IL1RAPL2: variants seen among roughly 807,000 people sequenced by gnomAD.
IL1RAPL2 encodes the protein X-linked interleukin-1 receptor accessory protein-like 2.
IL1RAPL2 carries 3 observed loss-of-function variants against 44.1 expected under a neutral mutation model. The observed-to-expected ratio is 0.07, with a 90% CI of 0.03 to 0.18. The LOEUF (loss-of-function observed/expected upper bound fraction) is 0.18, where lower values mean the gene tolerates loss of function less well. IL1RAPL2 is among the 10% of genes least tolerant of loss of function. The pLI is 1.00. For synonymous variants in IL1RAPL2, 181 were observed against 178.8 expected (o/e 1.01, Z -0.10); for missense variants, 391 against 496.4 (o/e 0.79, Z 2.02).
At chrX:104,754,557 G>A (rs747593269) in intron 2 of IL1RAPL2, among the ~76,000 whole-genome samples, 5 of 111,267 alleles carry the variant, frequency 4.5e-5, no homozygotes, top group Non-Finnish European at 5.7e-5. Flanking sequence ...GGCTAGGAAC[G>A]CTCATTAATG....
intron 5 of IL1RAPL2, among the ~76,000 whole-genome samples, chrX:105,302,520 G>A (rs1049009494): frequency 8.9e-6 from 1 of 112,098 alleles, no homozygotes; most frequent in African/African-American, 3.2e-5. Context: ...ATGGTGCACA[G>A]TGTGTTTAGC....
intron 2 of IL1RAPL2, among the ~76,000 whole-genome samples, chrX:105,139,062 G>T (rs190773577): frequency 2.2e-4 from 25 of 111,747 alleles, no homozygotes; most frequent in Middle Eastern, 4.6e-3. Flanking sequence ...TAAAAAGAAC[G>T]TTTACCATAC....
chrX:105,689,642 T>C (rs1297881134), intron 6 of IL1RAPL2, among the ~76,000 whole-genome samples: 2 of 112,096 alleles, frequency 1.8e-5, no homozygotes, highest in Middle Eastern at 8.3e-3. Context: ...AGTTCAACCA[T>C]TGTGGAAGAT....
At chrX:105,069,618 CA>C (rs1463340052) in intron 2 of IL1RAPL2, among the ~76,000 whole-genome samples, 2 of 112,007 alleles carry the variant, frequency 1.8e-5, no homozygotes, top group Non-Finnish European at 3.8e-5. Flanking sequence ...ACAACAAAAA[CA>C]TTTTAGCTTT....
chrX:105,076,474 A>G (rs1015837948), intron 2 of IL1RAPL2, among the ~76,000 whole-genome samples: 24 of 111,468 alleles, frequency 2.2e-4, no homozygotes, highest in African/African-American at 7.5e-4. Context: ...TATGTGTTCA[A>G]TTTTGGAATA....
chrX:105,272,849 C>A (rs1445062768), intron 5 of IL1RAPL2, among the ~76,000 whole-genome samples: 5 of 112,196 alleles, frequency 4.5e-5, no homozygotes, highest in Non-Finnish European at 9.4e-5. Flanking sequence ...GAAAAACTTT[C>A]CTCTGGTGTG....
In IL1RAPL2 at chrX:105,713,792, TCCTTTAACA is replaced by T. The variant is rs756740089; in HGVS notation, c.773-3574_773-3566del. Among the ~76,000 whole-genome samples the T allele has an allele frequency of 4.3e-3, 477 of 111,707 alleles. 7 individuals carry two copies. The highest frequency in any genetic ancestry group is 0.015 in the African/African-American group (454 of 30,687). On this transcript the variant is annotated intron_variant, in intron 6 of 10. Coordinates refer to ENST00000372582, the MANE Select transcript of IL1RAPL2 (RefSeq NM_017416.2). ...CTGGCTTGTTTCTATGCGTATTAAT[TCCTTTAACA>T]AATGGTTGCTTGGCCACACTTTTTG...
At chrX:104,767,761 C>G (rs1367657630) in intron 2 of IL1RAPL2, among the ~76,000 whole-genome samples, 1 of 111,751 alleles carries the variant, frequency 8.9e-6, no homozygotes, top group Non-Finnish European at 1.9e-5. Flanking sequence ...TCCCTGCTCA[C>G]AGGTGTGAAC....
intron 3 of IL1RAPL2, among the ~76,000 whole-genome samples, chrX:105,222,559 G>A (rs1159129872): frequency 1.8e-5 from 2 of 112,081 alleles, no homozygotes; most frequent in African/African-American, 6.5e-5. Context: ...AGATAATGTA[G>A]AAAAGAGAAT....
chrX:104,849,088 C>T (rs1406763463), intron 2 of IL1RAPL2, among the ~76,000 whole-genome samples: 4 of 109,536 alleles, frequency 3.7e-5, no homozygotes, highest in Non-Finnish European at 1.9e-5. Context: ...GGGAATTTAA[C>T]TGAGTAATTG....
At chrX:105,051,730 G>C (rs73520234) in intron 2 of IL1RAPL2, among the ~76,000 whole-genome samples, 3 of 112,594 alleles carry the variant, frequency 2.7e-5, no homozygotes, top group African/African-American at 9.7e-5. Context: ...GCCTCCCTGC[G>C]GTAGCCGGTG....
intron 1 of IL1RAPL2, among the ~76,000 whole-genome samples, chrX:104,584,562 GA>G (rs1402850466): frequency 1.8e-5 from 2 of 110,475 alleles, no homozygotes; most frequent in African/African-American, 6.6e-5. Flanking sequence ...CTTAAGAAAA[GA>G]ATACCAGACC....
intron 3 of IL1RAPL2, among the ~76,000 whole-genome samples, chrX:105,230,079 G>A (rs1177045108): frequency 3.6e-5 from 4 of 112,330 alleles, no homozygotes; most frequent in African/African-American, 1.3e-4. Flanking sequence ...TTACAGGCGT[G>A]AGCCACCATG....
chrX:104,733,506 G>A (rs1931959830), intron 2 of IL1RAPL2, among the ~76,000 whole-genome samples: 1 of 109,422 alleles, frequency 9.1e-6, no homozygotes, highest in Admixed American at 9.8e-5. Context: ...TGTAATCCCA[G>A]CTACTCAGGA....
At chrX:104,896,264 G>A (rs144573562) in intron 2 of IL1RAPL2, among the ~76,000 whole-genome samples, 2,225 of 111,710 alleles carry the variant, frequency 0.02, 55 homozygotes, top group African/African-American at 0.067. Flanking sequence ...AATTGAGGCC[G>A]TCAAGCTACA....
intron 2 of IL1RAPL2, among the ~76,000 whole-genome samples, chrX:105,124,942 T>A (rs1035234506): frequency 2.7e-5 from 3 of 110,753 alleles, no homozygotes; most frequent in African/African-American, 9.8e-5. Flanking sequence ...CCTCCTTTCT[T>A]TTCTTTCTTT....
intron 6 of IL1RAPL2, among the ~76,000 whole-genome samples, chrX:105,516,800 G>A (rs1341981856): frequency 9.0e-6 from 1 of 111,555 alleles, no homozygotes; most frequent in Non-Finnish European, 1.9e-5. Context: ...TTTCATAGAC[G>A]TTTTTTGCAA....
chrX:105,188,806 A>G lies in IL1RAPL2; in HGVS notation c.83-6669A>G, dbSNP rs1556135479. ...TAGAGCTGGAGTGGGAAATCTTTCT[A>G]TTGATGGACAATGATGCACAGATGA... On this transcript the variant is annotated intron_variant, in intron 2 of 10. Coordinates refer to ENST00000372582, the MANE Select transcript of IL1RAPL2 (RefSeq NM_017416.2). Among the ~76,000 whole-genome samples, 3 of 112,588 alleles carry G rather than the reference A, an allele frequency of 2.7e-5. No homozygotes were observed. The South Asian group carries it at 1.1e-3, about 41-fold the overall frequency.
chrX:104,637,492 T>C (rs1929839362), intron 1 of IL1RAPL2, among the ~76,000 whole-genome samples: 1 of 110,733 alleles, frequency 9.0e-6, no homozygotes, highest in Admixed American at 9.7e-5. Flanking sequence ...ATGTTTCTTC[T>C]GTACCTGGTT....
Sources: allele counts gnomAD v4.1 joint callset (sites outside exome capture counted in the v4.1 genomes callset), GRCh38; gene constraint gnomAD v4.1.1; transcripts MANE v1.5; gene names NCBI Gene and HGNC (gene_info 2026-07-23, HGNC 2026-07-21).